CNOT1: variants seen among roughly 807,000 people sequenced by gnomAD.
CNOT1 encodes the protein CCR4-associated factor 1.
A neutral mutation model predicts 273.8 loss-of-function variants in CNOT1; 15 were observed. The observed-to-expected ratio is 0.05, with a 90% confidence interval of 0.04 to 0.08. The LOEUF (loss-of-function observed/expected upper bound fraction) is 0.08. CNOT1 is among the 10% of genes least tolerant of loss of function. The probability of loss-of-function intolerance (pLI) is 1.00; values close to 1 mark genes in which losing one functional copy is unlikely to be tolerated. For missense variants in CNOT1, 1,644 were observed against 2,912.2 expected (o/e 0.56, Z 10.02); for synonymous variants, 1,022 against 1,005.5 (o/e 1.02, Z -0.31).
At chr16:58,615,716 A>C (rs1481134738) in intron 1 of CNOT1, among the ~76,000 whole-genome samples, 1 of 125,446 alleles carries the variant, frequency 8.0e-6, no homozygotes, top group African/African-American at 2.7e-5. Context: ...TGATGATGGG[A>C]AATACCAAGA....
intron 1 of CNOT1, among the ~76,000 whole-genome samples, chr16:58,628,688 G>T (rs1174688258): frequency 6.6e-6 from 1 of 151,952 alleles, no homozygotes; most frequent in Non-Finnish European, 1.5e-5. Flanking sequence ...CAGTTTTCAG[G>T]AAGAAAACAG....
In CNOT1 at chr16:58,523,377, T is replaced by C. The variant is rs1225046347; in HGVS notation, c.6910A>G (p.Ile2304Val). 1 of 1,592,864 alleles carries C rather than the reference T, an allele frequency of 6.3e-7. No individual in the cohort carries two copies. Among genetic ancestry groups the C allele is most frequent in the Non-Finnish European group, 8.6e-7 (1 of 1,168,246 alleles). ...AATAAGCTGCTCGCTTACCTTGTGA[T>C]CTGTTCTTGGATGGCTTCCGTATTG... ...EANTEAIQEQ[I>V]TRVLLERLIV... The change falls in exon 47 of 49, where the codon ATC (isoleucine) becomes GTC (valine). Residue 2304 changes from isoleucine to valine, a missense_variant. Transcript: ENST00000317147.
chr16:58,544,606 G>T (rs932989190), intron 30 of CNOT1, among the ~76,000 whole-genome samples: 2 of 152,014 alleles, frequency 1.3e-5, no homozygotes, highest in Non-Finnish European at 2.9e-5. Context: ...GGGGGGACAA[G>T]GATAAAATGA....
At chr16:58,625,631 C>G (rs2043539190) in intron 1 of CNOT1, among the ~76,000 whole-genome samples, 1 of 151,966 alleles carries the variant, frequency 6.6e-6, no homozygotes, top group Non-Finnish European at 1.5e-5. Flanking sequence ...TTGCAGCAAG[C>G]CAAGATCATA....
chr16:58,596,063 G>C (rs2042239425), intron 2 of CNOT1, among the ~76,000 whole-genome samples: 1 of 152,230 alleles, frequency 6.6e-6, no homozygotes, highest in African/African-American at 2.4e-5. Flanking sequence ...TACTGAACAA[G>C]TGAAATTGAA....
intron 2 of CNOT1, among the ~76,000 whole-genome samples, chr16:58,592,444 G>A (rs2042095269): frequency 1.3e-5 from 2 of 152,164 alleles, no homozygotes; most frequent in African/African-American, 4.8e-5. Flanking sequence ...TGGGTGTGGT[G>A]GAGCACAGCT....
At chr16:58,583,569 G>A (rs2041724914) in intron 8 of CNOT1, among the ~76,000 whole-genome samples, 1 of 152,120 alleles carries the variant, frequency 6.6e-6, no homozygotes, top group South Asian at 2.1e-4. Flanking sequence ...AGGTGAGCAA[G>A]TATTTCCGCT....
intron 25 of CNOT1, 36 bp downstream of exon 25, chr16:58,549,683 G>T: frequency 6.4e-7 from 1 of 1,555,740 alleles, no homozygotes; most frequent in Non-Finnish European, 8.6e-7. Flanking sequence ...CAAATTCAAA[G>T]CAATAATTAA....
Position 58,538,699 on chromosome 16 carries a change from C to A in CNOT1, c.5135+73G>T, listed in dbSNP as rs1040622766. On this transcript the variant is annotated intron_variant, in intron 36 of 48. Coordinates refer to ENST00000317147, the MANE Select transcript of CNOT1 (RefSeq NM_016284.5). ...ACTAGAAAAAAGGGAAACCCCTGGACATAAACAGTACTATCTATGTCAAAA... is the reference window on the plus strand; with the variant it reads ...ACTAGAAAAAAGGGAAACCCCTGGAAATAAACAGTACTATCTATGTCAAAA... The A allele has an allele frequency of 4.7e-5, 75 of 1,582,760 alleles. No homozygotes were observed. The South Asian group carries it at 7.6e-4, about 16-fold the overall frequency.
intron 3 of CNOT1, 106 bp from the exon 4 acceptor site, chr16:58,587,984 T>C: frequency 6.4e-6 from 7 of 1,101,030 alleles, no homozygotes; most frequent in Non-Finnish European, 7.6e-6. Flanking sequence ...TATATACTGT[T>C]ATATATTATC....
chr16:58,554,934 T>TAAAAAAAAAA (rs2040579953), intron 21 of CNOT1, among the ~76,000 whole-genome samples: 1 of 5,922 alleles, frequency 1.7e-4, no homozygotes, highest in Non-Finnish European at 3.5e-4. Context: ...AGACTCCATC[T>TAAAAAAAAAA]CAAAAAAAAA....
intron 22 of CNOT1, among the ~76,000 whole-genome samples, chr16:58,552,344 T>C (rs1399611998): frequency 1.3e-5 from 2 of 152,172 alleles, no homozygotes; most frequent in African/African-American, 2.4e-5. Flanking sequence ...CTACCAATTA[T>C]GTATGCAACA....
intron 16 of CNOT1, among the ~76,000 whole-genome samples, chr16:58,565,028 T>C (rs1416776530): frequency 6.6e-6 from 1 of 152,214 alleles, no homozygotes; most frequent in African/African-American, 2.4e-5. Context: ...TGGTATACAT[T>C]TGCCTTATTA....
chr16:58,612,352 T>C (rs1225628278), intron 1 of CNOT1, among the ~76,000 whole-genome samples: 1 of 152,064 alleles, frequency 6.6e-6, no homozygotes, highest in Non-Finnish European at 1.5e-5. Flanking sequence ...AAGTTTGACC[T>C]TGAAAATTAT....
chr16:58,598,178 C>A (rs373593896), intron 2 of CNOT1, among the ~76,000 whole-genome samples: 1 of 152,034 alleles, frequency 6.6e-6, no homozygotes, highest in African/African-American at 2.4e-5. Context: ...GCAGGCAGAT[C>A]ACCTGAGGTC....
Position 58,613,683 on chromosome 16 carries a change from C to T in CNOT1, c.-174-14172G>A, listed in dbSNP as rs1173335111. On this transcript the variant is annotated intron_variant, in intron 1 of 48. Coordinates refer to ENST00000317147, the MANE Select transcript of CNOT1 (RefSeq NM_016284.5). ...TCTATTGAGGGGAAAAAAACAGTCA[C>T]GTAACAGTGGTCTATTTAGATTATG... is the stretch of plus-strand genomic sequence containing the variant. 7.2e-5 allele frequency among the ~76,000 whole-genome samples: 9 copies of T among 124,300 alleles called. 3 individuals carry two copies. The highest frequency in any genetic ancestry group is 2.4e-4 in the African/African-American group (9 of 36,982). 81.5% of individuals were successfully genotyped at this position (124,300 alleles called of 152,430 possible). A position where few individuals can be genotyped will look rare whatever the true frequency, so the allele number is the denominator to read the frequency against.
Position 58,520,105 on chromosome 16 carries a change from T to C in CNOT1, c.*853A>G, listed in dbSNP as rs1299818868. The C allele has an allele frequency of 2.0e-5, 3 of 152,252 alleles. No individual in the cohort carries two copies. In the East Asian group the frequency reaches 5.8e-4, roughly 29 times the overall value. The allele number at this position is 152,252 out of a possible 1,614,324, so 9.4% of individuals were successfully genotyped here. A position where few individuals can be genotyped will look rare whatever the true frequency, so the allele number is the denominator to read the frequency against. On this transcript the variant is annotated 3_prime_UTR_variant, in exon 49 of 49. Transcript: ENST00000317147. ...TATAAAAGGGGCTGTATTGGTCCTT[T>C]CAACTTTGTCATTATTCAGCTTAGC... is the stretch of plus-strand genomic sequence containing the variant.
chr16:58,525,263 C>G lies in CNOT1; in HGVS notation c.6700G>C (p.Gly2234Arg). The G allele has an allele frequency of 1.9e-6, 3 of 1,613,896 alleles. No homozygotes were observed. The highest frequency in any genetic ancestry group is 2.5e-6 in the Non-Finnish European group (3 of 1,180,022). The change falls in exon 46 of 49, where the codon GGC (glycine) becomes CGC (arginine). Residue 2234 changes from glycine (G) to arginine (R), a missense_variant. Physicochemically the swap from Gly to Arg is moderately radical, Grantham distance 125 (BLOSUM62 -2). This residue lies in a region of CNOT1 where 140 missense variants were observed against 324.6 expected (regional missense o/e 0.43). Transcript: ENST00000317147. ...ATGGTGCTCATTGAAGGTGTGCTGC[C>G]CTTGTTGTGGATGTGCGCAATGGCC... Reference protein sequence around the residue: ...TQAIAHIHNKGSTPSMSTITH... With the variant: ...TQAIAHIHNKRSTPSMSTITH...
At chr16:58,569,423 C>T (rs1456291425) in intron 16 of CNOT1, among the ~76,000 whole-genome samples, 1 of 151,890 alleles carries the variant, frequency 6.6e-6, no homozygotes. Context: ...TGACACCCAG[C>T]CACTACAGAA....
Sources: allele counts gnomAD v4.1 joint callset (sites outside exome capture counted in the v4.1 genomes callset), GRCh38; gene constraint gnomAD v4.1.1; regional missense constraint gnomAD v4.1.1; transcripts MANE v1.5; gene names NCBI Gene and HGNC (gene_info 2026-07-23, HGNC 2026-07-21).